Variants in C5orf24 observed in about 807,000 individuals in gnomAD.
The protein encoded by C5orf24 is UPF0461 protein C5orf24.
C5orf24 carries 4 observed loss-of-function variants against 9.8 expected under a neutral mutation model. That is an observed-to-expected ratio of 0.41 (90% CI 0.20 to 0.93). The LOEUF is 0.93. Ranked by LOEUF, C5orf24 falls within the 40% of genes least tolerant of loss-of-function variation. The pLI, the probability that C5orf24 is intolerant of heterozygous loss-of-function variation, is 0.33. For synonymous variants in C5orf24, 73 were observed against 81.3 expected (o/e 0.90, Z 0.55); for missense variants, 170 against 236.9 (o/e 0.72, Z 1.85).
chr5:134,837,644 C>T, the C5orf24 span, among the ~76,000 whole-genome samples: 1 of 150,472 alleles, frequency 6.6e-6, no homozygotes, highest in East Asian at 1.9e-4. Context: ...TCCCTTGCCC[C>T]TTCTGCCATG....
intron 1 of C5orf24, among the ~76,000 whole-genome samples, chr5:134,852,116 A>G (rs2150174780): frequency 6.6e-6 from 1 of 152,160 alleles, no homozygotes; most frequent in African/African-American, 2.4e-5. Flanking sequence ...AATTTTTTGT[A>G]TTTTTAGTAG....
At chr5:134,853,756 T>C (rs1054977110) in intron 1 of C5orf24, among the ~76,000 whole-genome samples, 3 of 152,074 alleles carry the variant, frequency 2.0e-5, no homozygotes, top group African/African-American at 7.2e-5. Context: ...TGTTGTACAT[T>C]CAACTTTTTG....
In C5orf24 at chr5:134,855,096, A is replaced by G; in HGVS notation, c.196A>G (p.Thr66Ala). The change falls in exon 2 of 2, where the codon ACT becomes GCT. Residue 66 changes from threonine (T) to alanine (A), a missense_variant. Around this residue, in one of 3 missense-constraint regions of C5orf24, gnomAD observed 93 missense variants for 104.5 expected, o/e 0.89. Transcript: ENST00000394976. ...QDPLNETHLQ[T>A]TSGRSIEIKD... ...CCCATTAAATGAAACACACTTGCAG[A>G]CTACAAGTGGCAGAAGCATAGAAAT... 6.2e-7 allele frequency: 1 copy of G among 1,614,084 alleles called. No homozygotes were observed. Among genetic ancestry groups the G allele is most frequent in the Non-Finnish European group, 8.5e-7 (1 of 1,179,956 alleles).
At chr5:134,843,053 C>T (rs1451483976), upstream of C5orf24, among the ~76,000 whole-genome samples, 6 of 151,696 alleles carry the variant, frequency 4.0e-5, no homozygotes, top group South Asian at 4.2e-4. Context: ...CTTGGCTCAC[C>T]GCAACCTCCA....
upstream of C5orf24, among the ~76,000 whole-genome samples, chr5:134,845,163 C>A (rs139401505): frequency 7.2e-5 from 11 of 152,158 alleles, no homozygotes; most frequent in African/African-American, 2.7e-4. Flanking sequence ...GTGTGTTTGT[C>A]CAGAAAAGTT....
intron 1 of C5orf24, among the ~76,000 whole-genome samples, chr5:134,852,036 G>A (rs931789544): frequency 2.0e-5 from 3 of 152,226 alleles, no homozygotes; most frequent in African/African-American, 7.2e-5. Flanking sequence ...TGCCTCCCGG[G>A]TTCAACCAAT....
At chr5:134,842,576 A>C (rs73299360), upstream of C5orf24, among the ~76,000 whole-genome samples, 4,784 of 152,162 alleles carry the variant, frequency 0.031, 99 homozygotes, top group Middle Eastern at 0.085. Context: ...AATGTCTCCT[A>C]TTCCTTGATC....
intron 1 of C5orf24, among the ~76,000 whole-genome samples, chr5:134,848,494 T>TAA (rs34413979): frequency 1.3e-4 from 17 of 128,204 alleles, no homozygotes; most frequent in African/African-American, 3.8e-4. Flanking sequence ...TCGTTTCTAC[T>TAA]AAAAAAAAAA....
In C5orf24 at chr5:134,855,633, A is replaced by T; in HGVS notation, c.*166A>T. The T allele has an allele frequency of 6.8e-7, 1 of 1,472,522 alleles. No individual in the cohort carries two copies. 91.2% of individuals were successfully genotyped at this position (1,472,522 alleles called of 1,614,324 possible). A position where few individuals can be genotyped will look rare whatever the true frequency, so the allele number is the denominator to read the frequency against. ...CTCAAAAACTGCCATATGCTGACAG[A>T]TGCACTCAGGGCATGAGCAGCGGCA... On this transcript the variant is annotated 3_prime_UTR_variant, in exon 2 of 2. Coordinates refer to ENST00000394976, the MANE Select transcript of C5orf24 (RefSeq NM_001135586.1).
intron 1 of C5orf24, among the ~76,000 whole-genome samples, chr5:134,849,647 C>CTTTTT (rs35375521): frequency 5.2e-5 from 4 of 76,970 alleles, no homozygotes; most frequent in East Asian, 4.8e-4. Flanking sequence ...AAGTCAGTGT[C>CTTTTT]TTTTTTTTTT....
intron 1 of C5orf24, among the ~76,000 whole-genome samples, chr5:134,853,782 C>A (rs1340178584): frequency 1.3e-5 from 2 of 152,010 alleles, no homozygotes; most frequent in African/African-American, 4.8e-5. Flanking sequence ...ATAAATACAC[C>A]TTACAAATAG....
At chr5:134,840,565 ACT>A in the C5orf24 span, among the ~76,000 whole-genome samples, 163 of 151,904 alleles carry the variant, frequency 1.1e-3, no homozygotes, top group African/African-American at 3.7e-3. Context: ...ACAGAGTCTC[ACT>A]CTGTCATTCA....
chr5:134,846,253 G>A (rs1044736792), intron 1 of C5orf24, 41 bp downstream of exon 1: 8 of 152,596 alleles, frequency 5.2e-5, no homozygotes, highest in African/African-American at 1.9e-4. Flanking sequence ...GCCGGGAGCG[G>A]GGTAGGGCGG....
Position 134,857,505 on chromosome 5 carries a change from T to G in C5orf24, c.*2038T>G. On this transcript the variant is annotated 3_prime_UTR_variant, in exon 2 of 2. Coordinates refer to ENST00000394976, the MANE Select transcript of C5orf24 (RefSeq NM_001135586.1). ...GACAGTGACCTCAACAATATTAGCTTTGCACAAACCATAGAGAACGATGTT... is the reference window on the plus strand; with the variant it reads ...GACAGTGACCTCAACAATATTAGCTGTGCACAAACCATAGAGAACGATGTT... The G allele has an allele frequency of 7.4e-7, 1 of 1,357,038 alleles. No homozygotes were observed. Among genetic ancestry groups the G allele is most frequent in the Non-Finnish European group, 9.7e-7 (1 of 1,030,768 alleles). 84.1% of individuals were successfully genotyped at this position (1,357,038 alleles called of 1,614,324 possible).
chr5:134,854,944 C>G lies in C5orf24; in HGVS notation c.44C>G (p.Pro15Arg), dbSNP rs1310192161. The stretch of plus-strand genomic sequence containing the variant: ...AGCAGTAATCCAGCTTTCTGTGGGC[C>G]TGGCAAGCCTTCCTGCCTCAATGAA... ...VASSNPAFCGPGKPSCLNEDA... is the reference protein window; with the variant it reads ...VASSNPAFCGRGKPSCLNEDA... Residue 15 changes from proline to arginine, a missense_variant, in exon 2 of 2, where the codon CCT becomes CGT. Physicochemically the swap from Pro to Arg is moderately radical, Grantham distance 103. This residue lies in a region of C5orf24 where 93 missense variants were observed against 104.5 expected (regional missense o/e 0.89). Coordinates refer to ENST00000394976, the MANE Select transcript of C5orf24 (RefSeq NM_001135586.1). 2.5e-6 allele frequency: 4 copies of G among 1,613,960 alleles called. No homozygotes were observed. In the African/African-American group the frequency reaches 4.0e-5, roughly 16 times the overall value.
At position 134,857,160 on chromosome 5, in the gene C5orf24, A is replaced by T. The variant is rs1286868487; in HGVS notation, c.*1693A>T. Reference sequence around the variant, plus strand: ...TATTATAAACTTCAGACTTGAAAAAATTCCACTTAACTTTAAAGTTACAAT... The same window carrying T: ...TATTATAAACTTCAGACTTGAAAAATTTCCACTTAACTTTAAAGTTACAAT... On this transcript the variant is annotated 3_prime_UTR_variant, in exon 2 of 2. Coordinates refer to ENST00000394976, the MANE Select transcript of C5orf24 (RefSeq NM_001135586.1). 7.6e-7 allele frequency: 1 copy of T among 1,319,612 alleles called. No homozygotes were observed. The highest frequency in any genetic ancestry group is 1.5e-5 in the African/African-American group (1 of 66,870). 81.7% of individuals were successfully genotyped at this position (1,319,612 alleles called of 1,614,324 possible).
Position 134,856,312 on chromosome 5 carries a change from A to G in C5orf24, c.*845A>G, listed in dbSNP as rs1756311367. 3.0e-6 allele frequency: 3 copies of G among 995,394 alleles called. No homozygotes were observed. The highest frequency in any genetic ancestry group is 3.6e-6 in the Non-Finnish European group (3 of 825,716). The allele number at this position is 995,394 out of a possible 1,614,324, so 61.7% of individuals were successfully genotyped here. A position where few individuals can be genotyped will look rare whatever the true frequency, so the allele number is the denominator to read the frequency against. ...AGGTTTGCATGTAGCTATAGTCACT[A>G]TATTTTGCCTTTCATATAGAAAGTT... On this transcript the variant is annotated 3_prime_UTR_variant, in exon 2 of 2. Coordinates refer to ENST00000394976, the MANE Select transcript of C5orf24 (RefSeq NM_001135586.1).
chr5:134,840,590 G>T, the C5orf24 span, among the ~76,000 whole-genome samples: 2 of 152,030 alleles, frequency 1.3e-5, no homozygotes, highest in African/African-American at 4.8e-5. Flanking sequence ...CTGAAGTACA[G>T]TCACGTGATT....
intron 1 of C5orf24, among the ~76,000 whole-genome samples, chr5:134,850,934 A>G (rs1333564842): frequency 6.7e-6 from 1 of 150,026 alleles, no homozygotes. Context: ...ATATATATAT[A>G]TATACACACA....
Sources: gnomAD v4.1 joint callset for allele counts (sites outside exome capture counted in the v4.1 genomes callset) on GRCh38, gnomAD v4.1.1 for gene constraint, gnomAD v4.1.1 regional missense constraint, MANE v1.5 for transcripts, NCBI Gene and HGNC (gene_info 2026-07-23, HGNC 2026-07-21) for gene names.